KALRN: variants seen among roughly 807,000 people sequenced by gnomAD.
The protein encoded by KALRN is kalirin RhoGEF kinase, also known as kalirin.
A neutral mutation model predicts 353.7 loss-of-function variants in KALRN; 70 were observed. The ratio of observed to expected loss-of-function variants is 0.20; its 90% CI spans 0.16 to 0.24. The LOEUF (loss-of-function observed/expected upper bound fraction) is 0.24. Ranked by LOEUF, KALRN falls within the 10% of genes least tolerant of loss-of-function variation. KALRN has a pLI of 1.00. For missense variants in KALRN, 2,791 were observed against 3,756.7 expected (o/e 0.74, Z 6.72); for synonymous variants, 1,391 against 1,434.8 (o/e 0.97, Z 0.69).
intron 43 of KALRN, among the ~76,000 whole-genome samples, chr3:124,660,185 G>A (rs942057423): frequency 1.4e-4 from 22 of 151,922 alleles, no homozygotes; most frequent in African/African-American, 4.6e-4. Context: ...CTCCCACCTT[G>A]GCCTCCCAAA....
chr3:124,375,315 C>A (rs1449396395), intron 10 of KALRN, among the ~76,000 whole-genome samples: 1 of 152,238 alleles, frequency 6.6e-6, no homozygotes, highest in Non-Finnish European at 1.5e-5. Context: ...GCTCAGCTAT[C>A]TTTGCTGTCT....
rs1449245214 is a variant in KALRN, at chr3:124,446,818, C to G, written c.3485C>G (p.Thr1162Ser). Residue 1162 changes from threonine to serine, a missense_variant, in exon 21 of 60, where the codon ACT (threonine) becomes AGT (serine). Thr to Ser is a moderately conservative substitution (Grantham distance 58). Transcript: ENST00000682506. ...GEFYLSTHTS[T>S]GETTEETQEL... The stretch of plus-strand genomic sequence containing the variant: ...TTTTACCTCTCAACACATACCTCCA[C>G]TGGAGAGACCACAGAGGAGACTCAG... 5.6e-6 allele frequency: 9 copies of G among 1,613,940 alleles called. No homozygotes were observed. The Admixed American group carries it at 6.7e-5, about 12-fold the overall frequency.
At chr3:124,222,904 C>G (rs565094761) in intron 1 of KALRN, among the ~76,000 whole-genome samples, 2 of 152,094 alleles carry the variant, frequency 1.3e-5, no homozygotes, top group Non-Finnish European at 2.9e-5. Context: ...CATGCCTGGC[C>G]TCACCTGGGG....
intron 1 of KALRN, among the ~76,000 whole-genome samples, chr3:124,204,682 A>G (rs1247508750): frequency 6.6e-6 from 1 of 150,996 alleles, no homozygotes; most frequent in Non-Finnish European, 1.5e-5. Context: ...GTGCTGCTGC[A>G]TTAATGTGCT....
chr3:124,281,583 C>T (rs754323835), intron 5 of KALRN, among the ~76,000 whole-genome samples: 5 of 152,228 alleles, frequency 3.3e-5, no homozygotes, highest in South Asian at 2.1e-4. Flanking sequence ...CTATTAAAAC[C>T]CTCCCCCAGC....
intron 27 of KALRN, among the ~76,000 whole-genome samples, chr3:124,480,201 T>C (rs142811965): frequency 2.7e-3 from 418 of 152,284 alleles, no homozygotes; most frequent in Non-Finnish European, 4.9e-3. Context: ...AGCTCCCAGA[T>C]AAACTCACAA....
At chr3:124,586,771 A>G (rs2075234316) in intron 34 of KALRN, among the ~76,000 whole-genome samples, 1 of 151,810 alleles carries the variant, frequency 6.6e-6, no homozygotes, top group Non-Finnish European at 1.5e-5. Flanking sequence ...CTCCTGCTTT[A>G]CTCCTCACTC....
At chr3:124,139,368 G>A (rs760510357) in intron 1 of KALRN, among the ~76,000 whole-genome samples, 8 of 152,178 alleles carry the variant, frequency 5.3e-5, no homozygotes, top group Non-Finnish European at 7.3e-5. Context: ...TACATCTTTT[G>A]TGGCTTCCTA....
intron 13 of KALRN, among the ~76,000 whole-genome samples, chr3:124,404,153 GAAA>G (rs66603520): frequency 1.4e-3 from 176 of 123,588 alleles, no homozygotes; most frequent in African/African-American, 4.7e-3. Flanking sequence ...CTGCTCTCTG[GAAA>G]AAAAAAAAAA....
chr3:124,374,961 G>A (rs947685443), intron 10 of KALRN, among the ~76,000 whole-genome samples: 3 of 152,168 alleles, frequency 2.0e-5, no homozygotes, highest in Non-Finnish European at 2.9e-5. Flanking sequence ...AATTTCTGCC[G>A]AGATGGGGTC....
intron 32 of KALRN, among the ~76,000 whole-genome samples, chr3:124,494,111 A>G (rs1057011390): frequency 6.6e-5 from 10 of 152,172 alleles, no homozygotes; most frequent in African/African-American, 2.4e-4. Flanking sequence ...CCTTTTTCCT[A>G]TAGTAGGAGA....
chr3:124,146,872 C>G (rs538030029), intron 1 of KALRN, among the ~76,000 whole-genome samples: 1 of 76 alleles, frequency 0.013, no homozygotes, highest in East Asian at 0.12. Flanking sequence ...GCGACTCTGT[C>G]TCAAAAAAAA....
intron 34 of KALRN, among the ~76,000 whole-genome samples, chr3:124,623,244 T>C (rs2079497100): frequency 6.6e-6 from 1 of 151,758 alleles, no homozygotes; most frequent in Non-Finnish European, 1.5e-5. Context: ...CTCGGATTGC[T>C]GGGATTACAA....
chr3:124,275,713 C>T (rs1182635695), intron 5 of KALRN, among the ~76,000 whole-genome samples: 3 of 152,220 alleles, frequency 2.0e-5, no homozygotes, highest in Non-Finnish European at 2.9e-5. Context: ...GTCACTGATG[C>T]TCTCTTCCAA....
At chr3:124,382,796 A>T (rs2087593071) in intron 10 of KALRN, among the ~76,000 whole-genome samples, 1 of 152,158 alleles carries the variant, frequency 6.6e-6, no homozygotes, top group Non-Finnish European at 1.5e-5. Context: ...CTGTGGGCAT[A>T]TAGACTAGAA....
intron 2 of KALRN, among the ~76,000 whole-genome samples, chr3:124,233,930 G>A (rs567092193): frequency 2.0e-5 from 3 of 152,034 alleles, no homozygotes; most frequent in Non-Finnish European, 2.9e-5. Flanking sequence ...CCTGTTTAAC[G>A]CCCCTGAGAA....
At chr3:124,144,993 G>T (rs2067147278) in intron 1 of KALRN, among the ~76,000 whole-genome samples, 1 of 152,148 alleles carries the variant, frequency 6.6e-6, no homozygotes. Flanking sequence ...GGAGTTTCCT[G>T]CTTGAAAAAG....
intron 1 of KALRN, among the ~76,000 whole-genome samples, chr3:124,221,247 T>A (rs1359744799): frequency 1.3e-5 from 2 of 152,244 alleles, no homozygotes; most frequent in Non-Finnish European, 2.9e-5. Context: ...CCACCATCCC[T>A]TGCCTCTTCT....
chr3:124,456,707 G>T lies in KALRN; in HGVS notation c.3833G>T (p.Arg1278Leu). ...DANHEVNEEK[R>L]KSARKKEFIM... ...AACCACGAAGTCAATGAAGAGAAGC[G>T]GAAGTCAGCCCGGAAGAAAGAGTAC... is the stretch of plus-strand genomic sequence containing the variant. Residue 1278 changes from arginine (R) to leucine (L), a missense_variant, in exon 23 of 60, where the codon CGG (arginine) becomes CTG (leucine). By Grantham distance (102) the Arg-to-Leu change is moderately radical (BLOSUM62 -2). This residue lies in a region of KALRN where 268 missense variants were observed against 347.0 expected (regional missense o/e 0.77). Coordinates refer to ENST00000682506, the MANE Select transcript of KALRN (RefSeq NM_001388419.1). The T allele has an allele frequency of 6.2e-7, 1 of 1,612,634 alleles. No individual in the cohort carries two copies. Among genetic ancestry groups the T allele is most frequent in the East Asian group, 2.2e-5 (1 of 44,822 alleles).
Sources: allele counts gnomAD v4.1 joint callset (sites outside exome capture counted in the v4.1 genomes callset), GRCh38; gene constraint gnomAD v4.1.1; regional missense constraint gnomAD v4.1.1; transcripts MANE v1.5; gene names NCBI Gene and HGNC (gene_info 2026-07-23, HGNC 2026-07-21).